Variants in AK8 observed in about 807,000 individuals in gnomAD.
The protein encoded by AK8 is adenylate kinase 8.
A neutral mutation model predicts 54.6 loss-of-function variants in AK8; 44 were observed. That is an observed-to-expected ratio of 0.81 (90% CI 0.63 to 1.04). The LOEUF (loss-of-function observed/expected upper bound fraction) is 1.04. AK8 is among the 50% of genes least tolerant of loss of function. The pLI, the probability that AK8 is intolerant of heterozygous loss-of-function variation, is 0.00. For missense variants in AK8, 555 were observed against 613.6 expected, an observed-to-expected ratio of 0.90 and a Z score of 1.01; for synonymous variants, 239 against 245.6, an observed-to-expected ratio of 0.97 and a Z score of 0.25.
intron 10 of AK8, among the ~76,000 whole-genome samples, chr9:132,797,885 C>T (rs1312703380): frequency 6.6e-6 from 1 of 152,226 alleles, no homozygotes; most frequent in African/African-American, 2.4e-5. Flanking sequence ...CCACCAGTTC[C>T]GGAAGCTCTG....
chr9:132,838,555 G>T lies in AK8; in HGVS notation c.403-9829C>A, dbSNP rs147016412. ...CAAGGTTCAGAATGGTCCAGGTGTT[G>T]CATCTGATGATGGCATTCTTACTGT... On this transcript the variant is annotated intron_variant, in intron 5 of 12. Transcript: ENST00000298545. Among the ~76,000 whole-genome samples the T allele has an allele frequency of 4.5e-3, 688 of 152,338 alleles. 8 individuals are homozygous for T. The highest frequency in any genetic ancestry group is 0.016 in the African/African-American group (658 of 41,576).
chr9:132,771,468 T>C (rs901233142), intron 11 of AK8, among the ~76,000 whole-genome samples: 1 of 152,184 alleles, frequency 6.6e-6, no homozygotes, highest in Non-Finnish European at 1.5e-5. Flanking sequence ...CCTCCATCTT[T>C]ATATGCTTAA....
At chr9:132,771,333 T>C (rs59532155) in intron 11 of AK8, among the ~76,000 whole-genome samples, 3,130 of 152,304 alleles carry the variant, frequency 0.021, 96 homozygotes, top group African/African-American at 0.068. Context: ...TGGTCAGGCT[T>C]ACACTGTGAG....
intron 4 of AK8, among the ~76,000 whole-genome samples, chr9:132,855,839 G>A (rs1236381191): frequency 2.0e-5 from 3 of 152,164 alleles, no homozygotes; most frequent in African/African-American, 7.2e-5. Context: ...GAATCCCAAA[G>A]AGGAGTCGCC....
chr9:132,786,857 C>CGA (rs1331948556), intron 11 of AK8, among the ~76,000 whole-genome samples: 1 of 152,056 alleles, frequency 6.6e-6, no homozygotes, highest in Admixed American at 6.6e-5. Context: ...GCCTATCTCC[C>CGA]CATCCTCCTA....
At chr9:132,825,473 GTTGT>G (rs887731948) in intron 8 of AK8, among the ~76,000 whole-genome samples, 6 of 152,116 alleles carry the variant, frequency 3.9e-5, no homozygotes, top group Admixed American at 6.5e-5. Flanking sequence ...AAATGTTGTG[GTTGT>G]TTATCTTAAG....
chr9:132,744,826 C>T (rs1476427049), intron 11 of AK8, among the ~76,000 whole-genome samples: 1 of 152,104 alleles, frequency 6.6e-6, no homozygotes, highest in African/African-American at 2.4e-5. Flanking sequence ...TTATGCTGCC[C>T]GCCATGAAAT....
chr9:132,860,906 G>T lies in AK8; in HGVS notation c.333+2759C>A, dbSNP rs1294300099. On this transcript the variant is annotated intron_variant, in intron 4 of 12. Coordinates refer to ENST00000298545, the MANE Select transcript of AK8 (RefSeq NM_152572.3). This position sits in a 1 kb window ranked among gnomAD's most constrained non-coding sequence, Gnocchi z 4.4. ...CCACACTGAATATTCAATCTCAGTA[G>T]ATCTGGACTAAAACACCCATGGGGA... is the stretch of plus-strand genomic sequence containing the variant. 6.6e-6 allele frequency among the ~76,000 whole-genome samples: 1 copy of T among 152,210 alleles called. No homozygotes were observed. Among genetic ancestry groups the T allele is most frequent in the Non-Finnish European group, 1.5e-5 (1 of 68,050 alleles).
intron 11 of AK8, among the ~76,000 whole-genome samples, chr9:132,773,929 C>T (rs1839092304): frequency 6.6e-6 from 1 of 152,148 alleles, no homozygotes; most frequent in South Asian, 2.1e-4. Flanking sequence ...AGTAAAAACT[C>T]CGTGTTTAGG....
intron 5 of AK8, among the ~76,000 whole-genome samples, chr9:132,841,309 A>G (rs987082622): frequency 2.0e-5 from 3 of 152,202 alleles, no homozygotes; most frequent in Non-Finnish European, 2.9e-5. Context: ...TGGAGCCCAT[A>G]AGAATCACAT....
intron 3 of AK8, 150 bp from the exon 4 acceptor site, chr9:132,863,928 G>A (rs989235172): frequency 7.8e-6 from 5 of 638,470 alleles, no homozygotes; most frequent in African/African-American, 5.5e-5. Context: ...CGGCCACCAA[G>A]GGAGACCCAC....
upstream of AK8, chr9:132,878,851 A>C (rs1844282836): frequency 4.7e-6 from 4 of 854,904 alleles, no homozygotes; most frequent in African/African-American, 1.8e-5. This position sits in a 1 kb window ranked among gnomAD's most constrained non-coding sequence, Gnocchi z 4.7. Context: ...GGCGGTAACA[A>C]TCACGCCCGC....
At chr9:132,736,747 T>G (rs968024987) in intron 11 of AK8, among the ~76,000 whole-genome samples, 1 of 140,148 alleles carries the variant, frequency 7.1e-6, no homozygotes, top group South Asian at 2.2e-4. Flanking sequence ...GTTGCGCCAC[T>G]GCACTCCAGC....
intron 11 of AK8, among the ~76,000 whole-genome samples, chr9:132,776,833 T>C (rs1357985342): frequency 6.6e-6 from 1 of 152,188 alleles, no homozygotes; most frequent in African/African-American, 2.4e-5. Context: ...TTGATTCCCC[T>C]TCACGGGCAA....
At chr9:132,842,077 A>G (rs1842566318) in intron 5 of AK8, among the ~76,000 whole-genome samples, 1 of 152,212 alleles carries the variant, frequency 6.6e-6, no homozygotes, top group Admixed American at 6.5e-5. Context: ...CGCTAAACAG[A>G]TCCAAAATTC....
intron 11 of AK8, among the ~76,000 whole-genome samples, chr9:132,754,924 C>T (rs962669303): frequency 2.0e-5 from 3 of 152,020 alleles, no homozygotes; most frequent in African/African-American, 7.2e-5. Flanking sequence ...CTCAGCCTCC[C>T]AAGTACCTGG....
At chr9:132,740,713 C>CA (rs1440871337) in intron 11 of AK8, among the ~76,000 whole-genome samples, 3 of 151,966 alleles carry the variant, frequency 2.0e-5, no homozygotes, top group Non-Finnish European at 4.4e-5. Flanking sequence ...AGCTGAGCAC[C>CA]CCCCCGCCCC....
At chr9:132,839,452 G>C (rs1346611076) in intron 5 of AK8, among the ~76,000 whole-genome samples, 2 of 152,208 alleles carry the variant, frequency 1.3e-5, no homozygotes, top group African/African-American at 4.8e-5. Context: ...TGGTGGACAG[G>C]CTCTGTTTCC....
At chr9:132,852,795 A>AG (rs1190350746) in intron 5 of AK8, among the ~76,000 whole-genome samples, 2 of 146,774 alleles carry the variant, frequency 1.4e-5, no homozygotes, top group African/African-American at 5.1e-5. Context: ...AAAAAAAAAA[A>AG]GAAAGAAAGA....
Sources: allele counts gnomAD v4.1 joint callset (sites outside exome capture counted in the v4.1 genomes callset), GRCh38; gene constraint gnomAD v4.1.1; non-coding constraint Gnocchi (gnomAD v3.1); transcripts MANE v1.5; gene names NCBI Gene and HGNC (gene_info 2026-07-23, HGNC 2026-07-21).